The following BRINP3 variants were observed in gnomAD, a reference collection of about 807,000 sequenced individuals.
The protein encoded by BRINP3 is BMP/retinoic acid-inducible neural-specific protein 3.
Under a neutral mutation model 71.0 loss-of-function variants are expected in BRINP3, and 19 were observed. The observed-to-expected ratio is 0.27, with a 90% CI of 0.19 to 0.39. BRINP3 has a LOEUF of 0.39. Ranked by LOEUF, BRINP3 falls within the 10% of genes least tolerant of loss-of-function variation. The probability of loss-of-function intolerance (pLI) is 1.00; values close to 1 mark genes in which losing one functional copy is unlikely to be tolerated. For missense variants in BRINP3, 959 were observed against 940.8 expected (o/e 1.02, Z -0.25); for synonymous variants, 380 against 337.7 (o/e 1.13, Z -1.37).
intron 7 of BRINP3, among the ~76,000 whole-genome samples, chr1:190,148,640 T>TAAATAAATAAAA (rs1558008929): frequency 1.3e-5 from 2 of 148,542 alleles, no homozygotes; most frequent in Admixed American, 6.7e-5. Context: ...AATAAATAAA[T>TAAATAAATAAAA]AAATAAATAA....
At chr1:190,226,537 G>A (rs368693065) in intron 5 of BRINP3, among the ~76,000 whole-genome samples, 2 of 151,850 alleles carry the variant, frequency 1.3e-5, no homozygotes, top group East Asian at 1.9e-4. Flanking sequence ...TTCAGAAATA[G>A]AGATGATTAA....
chr1:190,409,945 A>T (rs539350722), intron 2 of BRINP3, among the ~76,000 whole-genome samples: 70 of 152,284 alleles, frequency 4.6e-4, no homozygotes, highest in African/African-American at 1.6e-3. Flanking sequence ...GGAAACCATT[A>T]GACTGTTTTA....
At chr1:190,378,037 TG>T (rs1670291883) in intron 2 of BRINP3, among the ~76,000 whole-genome samples, 2 of 152,042 alleles carry the variant, frequency 1.3e-5, no homozygotes, top group Non-Finnish European at 2.9e-5. Context: ...AAAATTAATA[TG>T]GAATCTCAGG....
At chr1:190,308,485 A>C (rs902043909) in intron 2 of BRINP3, among the ~76,000 whole-genome samples, 21 of 151,016 alleles carry the variant, frequency 1.4e-4, no homozygotes, top group Admixed American at 1.1e-3. Context: ...CACACTGGGG[A>C]CTGTTGTAGG....
intron 7 of BRINP3, among the ~76,000 whole-genome samples, chr1:190,157,577 T>C (rs1432576794): frequency 6.6e-6 from 1 of 152,088 alleles, no homozygotes; most frequent in Non-Finnish European, 1.5e-5. Context: ...GCACTTTCTA[T>C]TTTGGGTAAA....
intron 6 of BRINP3, among the ~76,000 whole-genome samples, chr1:190,177,067 A>AC (rs1652579594): frequency 7.3e-6 from 1 of 136,992 alleles, no homozygotes; most frequent in Non-Finnish European, 1.5e-5. Flanking sequence ...GAGCTGACAT[A>AC]TTTTTTTGCT....
Position 190,111,206 on chromosome 1 carries a change from A to AAC in BRINP3, c.1185-12073_1185-12072insGT, listed in dbSNP as rs1553241602. Among the ~76,000 whole-genome samples, 12 of 142,046 alleles carry AAC rather than the reference A, an allele frequency of 8.4e-5. 1 individual carries two copies. Among genetic ancestry groups the AAC allele is most frequent in the South Asian group, 4.2e-4 (2 of 4,784 alleles). The allele number at this position is 142,046 out of a possible 152,430, so 93.2% of individuals were successfully genotyped here. ...TTAAAAAAAAAAAAAAAAAAAAAAA[A>AAC]AACTTTAGAACTTTAATTGGAACAG... On this transcript the variant is annotated intron_variant, in intron 7 of 7. Transcript: ENST00000367462.
chr1:190,466,842 A>C (rs752862991), intron 1 of BRINP3, among the ~76,000 whole-genome samples: 8 of 151,568 alleles, frequency 5.3e-5, no homozygotes, highest in Admixed American at 2.6e-4. Context: ...ATAAAAAATA[A>C]ATTTGTAAAT....
intron 1 of BRINP3, among the ~76,000 whole-genome samples, chr1:190,456,711 A>G (rs1042778797): frequency 2.0e-5 from 3 of 152,050 alleles, no homozygotes; most frequent in Non-Finnish European, 4.4e-5. Context: ...TGTTAAACAC[A>G]CTATTTTTAT....
intron 4 of BRINP3, among the ~76,000 whole-genome samples, chr1:190,258,286 A>C (rs1312960228): frequency 6.6e-6 from 1 of 152,182 alleles, no homozygotes; most frequent in Non-Finnish European, 1.5e-5. Context: ...ATGGGACCTC[A>C]CTGAGCCAGG....
chr1:190,247,289 T>G (rs1465024995), intron 4 of BRINP3, among the ~76,000 whole-genome samples: 2 of 152,030 alleles, frequency 1.3e-5, no homozygotes, highest in East Asian at 3.9e-4. Flanking sequence ...ATAATTTACC[T>G]GCAATACCTG....
At chr1:190,125,329 A>C (rs1440130290) in intron 7 of BRINP3, among the ~76,000 whole-genome samples, 3 of 151,196 alleles carry the variant, frequency 2.0e-5, no homozygotes, top group Non-Finnish European at 3.0e-5. Flanking sequence ...TATACATATT[A>C]CATATATACA....
Position 190,409,678 on chromosome 1 carries a change from T to C in BRINP3, c.236+44977A>G, listed in dbSNP as rs142697811. On this transcript the variant is annotated intron_variant, in intron 2 of 7. Coordinates refer to ENST00000367462, the MANE Select transcript of BRINP3 (RefSeq NM_199051.3). ...AATAGAAACTGAGGATTACAAAGAA[T>C]GTCATTTGTGCAATACATATTTATT... 1.5e-3 allele frequency among the ~76,000 whole-genome samples: 221 copies of C among 152,340 alleles called. 1 individual carries two copies. The highest frequency in any genetic ancestry group is 5.3e-3 in the African/African-American group (219 of 41,584).
At chr1:190,105,122 C>G (rs956442158) in intron 7 of BRINP3, among the ~76,000 whole-genome samples, 1 of 152,078 alleles carries the variant, frequency 6.6e-6, no homozygotes, top group East Asian at 1.9e-4. Context: ...CTGTCACTGT[C>G]TCTCCAGACT....
At chr1:190,373,568 T>A (rs1482879665) in intron 2 of BRINP3, among the ~76,000 whole-genome samples, 1 of 151,766 alleles carries the variant, frequency 6.6e-6, no homozygotes, top group Non-Finnish European at 1.5e-5. Flanking sequence ...TGATTTTGCT[T>A]GCTGGATAGA....
At chr1:190,367,320 C>G (rs1669571527) in intron 2 of BRINP3, among the ~76,000 whole-genome samples, 1 of 152,154 alleles carries the variant, frequency 6.6e-6, no homozygotes, top group Non-Finnish European at 1.5e-5. Context: ...ACCTTGACCC[C>G]TTGTAGCCAT....
chr1:190,147,320 G>T (rs536548056), intron 7 of BRINP3, among the ~76,000 whole-genome samples: 1 of 151,914 alleles, frequency 6.6e-6, no homozygotes, highest in Non-Finnish European at 1.5e-5. Flanking sequence ...AATAGAAGAC[G>T]ATCTTTTCTT....
At chr1:190,365,103 C>A (rs1438609528) in intron 2 of BRINP3, among the ~76,000 whole-genome samples, 1 of 152,094 alleles carries the variant, frequency 6.6e-6, no homozygotes, top group Non-Finnish European at 1.5e-5. Context: ...AAGATACTAA[C>A]TACAAAATCA....
At chr1:190,109,992 A>G (rs1218107732) in intron 7 of BRINP3, among the ~76,000 whole-genome samples, 1 of 152,204 alleles carries the variant, frequency 6.6e-6, no homozygotes, top group African/African-American at 2.4e-5. Flanking sequence ...CCATTCTTCT[A>G]GTAAGTCCCC....
Sources: gnomAD v4.1 joint callset for allele counts (sites outside exome capture counted in the v4.1 genomes callset) on GRCh38, gnomAD v4.1.1 for gene constraint, MANE v1.5 for transcripts, NCBI Gene and HGNC (gene_info 2026-07-23, HGNC 2026-07-21) for gene names.